The following SPIDR variants were observed in gnomAD, a reference collection of about 807,000 sequenced individuals.
The protein encoded by SPIDR is DNA repair-scaffolding protein.
A neutral mutation model predicts 104.6 loss-of-function variants in SPIDR; 93 were observed. The observed-to-expected ratio is 0.89, with a 90% CI of 0.75 to 1.06. The LOEUF (loss-of-function observed/expected upper bound fraction) is 1.06. Ranked by LOEUF, SPIDR falls within the 50% of genes least tolerant of loss-of-function variation. SPIDR has a pLI of 0.00. For missense variants in SPIDR, 1,154 were observed against 1,111.2 expected (o/e 1.04, Z -0.55); for synonymous variants, 431 against 416.9 (o/e 1.03, Z -0.41).
intron 8 of SPIDR, among the ~76,000 whole-genome samples, chr8:47,474,750 GA>G (rs1434779715): frequency 6.6e-6 from 1 of 152,212 alleles, no homozygotes; most frequent in African/African-American, 2.4e-5. Context: ...TTTAAGAAAT[GA>G]GAATTCAGTC....
At chr8:47,263,594 CA>C (rs2033130496) in intron 1 of SPIDR, among the ~76,000 whole-genome samples, 1 of 152,238 alleles carries the variant, frequency 6.6e-6, no homozygotes, top group African/African-American at 2.4e-5. Flanking sequence ...GCTGGGATTA[CA>C]GGCGTGAGCC....
chr8:47,516,177 GTAGT>G (rs773494522), intron 8 of SPIDR, among the ~76,000 whole-genome samples: 12 of 152,086 alleles, frequency 7.9e-5, no homozygotes, highest in Non-Finnish European at 1.3e-4. Context: ...CTGGGCTCAA[GTAGT>G]TAGTTCTTTG....
intron 6 of SPIDR, among the ~76,000 whole-genome samples, chr8:47,399,610 G>A (rs540750949): frequency 6.6e-5 from 10 of 152,198 alleles, no homozygotes; most frequent in African/African-American, 1.4e-4. Context: ...TTGGGAAGTC[G>A]TGGTCATGGA....
intron 7 of SPIDR, among the ~76,000 whole-genome samples, chr8:47,423,707 G>A (rs892604253): frequency 6.6e-6 from 1 of 152,228 alleles, no homozygotes; most frequent in African/African-American, 2.4e-5. Flanking sequence ...GGGGTGGGCA[G>A]GGGAGCCCAG....
At chr8:47,725,545 C>T (rs1411477312) in intron 16 of SPIDR, among the ~76,000 whole-genome samples, 1 of 152,158 alleles carries the variant, frequency 6.6e-6, no homozygotes, top group Non-Finnish European at 1.5e-5. Context: ...GCGCGTGCCA[C>T]CACGCCTGGC....
intron 2 of SPIDR, 63 bp from the exon 3 acceptor site, chr8:47,283,965 T>A: frequency 7.7e-7 from 1 of 1,294,300 alleles, no homozygotes; most frequent in Non-Finnish European, 1.1e-6. Context: ...ATTTTGAATA[T>A]TTTATAAAAG....
chr8:47,402,021 G>C (rs907385789), intron 6 of SPIDR, among the ~76,000 whole-genome samples: 1 of 152,110 alleles, frequency 6.6e-6, no homozygotes, highest in Non-Finnish European at 1.5e-5. Context: ...CCCAAATCAA[G>C]AGAATATACA....
chr8:47,676,944 CTG>C (rs2076522792), intron 11 of SPIDR, among the ~76,000 whole-genome samples: 1 of 152,258 alleles, frequency 6.6e-6, no homozygotes, highest in Non-Finnish European at 1.5e-5. Flanking sequence ...TTTTGTTTCT[CTG>C]ACGGACTAAT....
chr8:47,496,364 GTTGTC>G (rs2079439026), intron 8 of SPIDR, among the ~76,000 whole-genome samples: 1 of 152,156 alleles, frequency 6.6e-6, no homozygotes, highest in South Asian at 2.1e-4. Flanking sequence ...GTTTGAGGAA[GTTGTC>G]TTGTATTTCT....
chr8:47,460,237 A>C (rs2073723977), intron 8 of SPIDR, among the ~76,000 whole-genome samples: 1 of 152,084 alleles, frequency 6.6e-6, no homozygotes, highest in Admixed American at 6.6e-5. Context: ...TGGAGTGTTG[A>C]AGTCCTCCAC....
At chr8:47,567,710 C>T (rs935703575) in intron 8 of SPIDR, among the ~76,000 whole-genome samples, 30 of 151,676 alleles carry the variant, frequency 2.0e-4, no homozygotes, top group Non-Finnish European at 3.4e-4. Flanking sequence ...ATTAACAGAC[C>T]GTATGTGTGA....
intron 8 of SPIDR, among the ~76,000 whole-genome samples, chr8:47,566,969 T>C (rs2057930106): frequency 6.6e-6 from 1 of 152,180 alleles, no homozygotes. Context: ...ATTCAGCAAA[T>C]ATTTGGTCAA....
intron 8 of SPIDR, among the ~76,000 whole-genome samples, chr8:47,576,439 C>CCACACCTGGCCATAAATATCAT (rs1347405501): frequency 6.6e-6 from 1 of 151,990 alleles, no homozygotes; most frequent in Admixed American, 6.6e-5. Flanking sequence ...GCATGAGCCA[C>CCACACCTGGCCATAAATATCAT]TGGACCCAGC....
At chr8:47,474,099 A>G (rs1335121696) in intron 8 of SPIDR, among the ~76,000 whole-genome samples, 5 of 152,290 alleles carry the variant, frequency 3.3e-5, no homozygotes, top group East Asian at 3.9e-4. Context: ...CTGTGTGATC[A>G]TGCTATCTAG....
intron 6 of SPIDR, among the ~76,000 whole-genome samples, chr8:47,402,605 GA>G (rs2062061789): frequency 6.6e-6 from 1 of 152,144 alleles, no homozygotes; most frequent in African/African-American, 2.4e-5. Context: ...AAATCTAGAA[GA>G]AATGGATAAA....
Position 47,408,302 on chromosome 8 carries a change from C to T in SPIDR, c.877+341C>T, listed in dbSNP as rs979152449. Among the ~76,000 whole-genome samples, 4 of 151,996 alleles carry T rather than the reference C, an allele frequency of 2.6e-5. No homozygotes were observed. The South Asian group carries it at 6.2e-4, about 24-fold the overall frequency. On this transcript the variant is annotated intron_variant, in intron 7 of 19. Coordinates refer to ENST00000297423, the MANE Select transcript of SPIDR (RefSeq NM_001080394.4). Reference sequence around the variant, plus strand: ...TCATTATTTAGAGACAGGGTCTCACCGTTGCCCAGGCTGGAGTGTAGTGAC... The same window carrying T: ...TCATTATTTAGAGACAGGGTCTCACTGTTGCCCAGGCTGGAGTGTAGTGAC...
chr8:47,404,151 T>A (rs530936294), intron 6 of SPIDR, among the ~76,000 whole-genome samples: 1 of 152,338 alleles, frequency 6.6e-6, no homozygotes, highest in African/African-American at 2.4e-5. Flanking sequence ...CAGCCATATG[T>A]AGAAAGCTGA....
intron 8 of SPIDR, among the ~76,000 whole-genome samples, chr8:47,499,199 G>A (rs541980989): frequency 3.9e-5 from 6 of 152,278 alleles, no homozygotes; most frequent in South Asian, 2.1e-4. Flanking sequence ...TGAAGAGTAC[G>A]TAACACATTG....
In SPIDR at chr8:47,274,979, G is replaced by A. The variant is rs951614974; in HGVS notation, c.34-4883G>A. Among the ~76,000 whole-genome samples, 28 of 150,128 alleles carry A rather than the reference G, an allele frequency of 1.9e-4. No individual in the cohort carries two copies. The East Asian group carries it at 5.7e-3, about 31-fold the overall frequency. ...ACTACAATAGAAAATACCCCCATAGGCCCAGCGCGGTGGCTCACGCCTGTA... is the reference window on the plus strand; with the variant it reads ...ACTACAATAGAAAATACCCCCATAGACCCAGCGCGGTGGCTCACGCCTGTA... On this transcript the variant is annotated intron_variant, in intron 1 of 19. Coordinates refer to ENST00000297423, the MANE Select transcript of SPIDR (RefSeq NM_001080394.4).
Sources: allele counts gnomAD v4.1 joint callset (sites outside exome capture counted in the v4.1 genomes callset), GRCh38; gene constraint gnomAD v4.1.1; transcripts MANE v1.5; gene names NCBI Gene and HGNC (gene_info 2026-07-23, HGNC 2026-07-21).